Variants in TMEM132D observed in about 807,000 individuals in gnomAD.
TMEM132D encodes the protein mature OL transmembrane protein.
TMEM132D carries 21 observed loss-of-function variants against 62.3 expected under a neutral mutation model. The ratio of observed to expected loss-of-function variants is 0.34; its 90% CI spans 0.24 to 0.49. The LOEUF is 0.49. Among genes scored for constraint, TMEM132D ranks in the 20% least tolerant of loss-of-function variants. The pLI is 0.99. For missense variants in TMEM132D, 1,346 were observed against 1,402.8 expected (o/e 0.96, Z 0.65); for synonymous variants, 621 against 575.6 (o/e 1.08, Z -1.13).
intron 5 of TMEM132D, among the ~76,000 whole-genome samples, chr12:129,196,927 G>T (rs1207175760): frequency 6.6e-6 from 1 of 152,194 alleles, no homozygotes; most frequent in Non-Finnish European, 1.5e-5. Flanking sequence ...CTGTGGAGGA[G>T]TTACTTTTGG....
At chr12:129,425,547 T>C (rs1371230632) in intron 3 of TMEM132D, among the ~76,000 whole-genome samples, 2 of 152,150 alleles carry the variant, frequency 1.3e-5, no homozygotes, top group Non-Finnish European at 2.9e-5. Flanking sequence ...CGCATATGAC[T>C]AATGAACAAC....
chr12:129,555,935 G>C (rs1319011994), intron 2 of TMEM132D, among the ~76,000 whole-genome samples: 1 of 152,148 alleles, frequency 6.6e-6, no homozygotes, highest in African/African-American at 2.4e-5. Flanking sequence ...TGCAAATATA[G>C]AAATGTATGA....
At chr12:129,234,440 A>G (rs1680969004) in intron 4 of TMEM132D, among the ~76,000 whole-genome samples, 2 of 152,194 alleles carry the variant, frequency 1.3e-5, no homozygotes, top group African/African-American at 2.4e-5. Flanking sequence ...TTCCAGGAGA[A>G]TTTATGTTAA....
chr12:129,656,136 C>A (rs113374152), intron 2 of TMEM132D, among the ~76,000 whole-genome samples: 3 of 152,020 alleles, frequency 2.0e-5, no homozygotes, highest in Non-Finnish European at 2.9e-5. Context: ...CAGCAACTCA[C>A]GTTTCCCAAA....
chr12:129,767,417 G>T (rs1012801471), intron 1 of TMEM132D, among the ~76,000 whole-genome samples: 2 of 152,140 alleles, frequency 1.3e-5, no homozygotes, highest in African/African-American at 4.8e-5. Context: ...ATATTGCTGT[G>T]TAACCATCAC....
intron 1 of TMEM132D, among the ~76,000 whole-genome samples, chr12:129,715,589 T>C (rs1364473891): frequency 6.6e-6 from 1 of 152,194 alleles, no homozygotes; most frequent in Non-Finnish European, 1.5e-5. Context: ...AACCCACCTG[T>C]ACAGGGTGGG....
intron 2 of TMEM132D, among the ~76,000 whole-genome samples, chr12:129,579,570 G>T (rs1877782828): frequency 6.6e-6 from 1 of 152,170 alleles, no homozygotes; most frequent in Admixed American, 6.5e-5. Flanking sequence ...AAATCCAAGA[G>T]TCCAAAAGCC....
rs766875571 is a variant in TMEM132D at position 129,807,655 on chromosome 12, G to A, written c.79+95606C>T. 1.2e-4 allele frequency among the ~76,000 whole-genome samples: 18 copies of A among 152,110 alleles called. No homozygotes were observed. The East Asian group carries it at 2.7e-3, about 23-fold the overall frequency. ...CGTTGATTGTTAACATCTGTCTTCC[G>A]ACTCTCCTTGTCTTCTACCTGAAAG... is the stretch of plus-strand genomic sequence containing the variant. On this transcript the variant is annotated intron_variant, in intron 1 of 8. Transcript: ENST00000422113.
chr12:129,193,819 C>T (rs1878475955), intron 5 of TMEM132D, among the ~76,000 whole-genome samples: 2 of 152,222 alleles, frequency 1.3e-5, no homozygotes, highest in Admixed American at 1.3e-4. Context: ...TCCTCCAACG[C>T]TATCAGATGT....
At chr12:129,669,636 C>G (rs576923049) in intron 2 of TMEM132D, among the ~76,000 whole-genome samples, 62 of 152,026 alleles carry the variant, frequency 4.1e-4, no homozygotes, top group Non-Finnish European at 6.9e-4. Context: ...ACCCAGGAGG[C>G]AAAAGTTGTG....
At chr12:129,541,874 C>T (rs949751713) in intron 2 of TMEM132D, among the ~76,000 whole-genome samples, 1 of 152,072 alleles carries the variant, frequency 6.6e-6, no homozygotes, top group Non-Finnish European at 1.5e-5. Flanking sequence ...ACCTGGATGC[C>T]CTGAATACCT....
In TMEM132D at chr12:129,623,846, G is replaced by T. The variant is rs141007367; in HGVS notation, c.968+75964C>A. 3.5e-3 allele frequency among the ~76,000 whole-genome samples: 524 copies of T among 151,284 alleles called. 24 individuals are homozygous for T. The East Asian group carries it at 0.071, about 20-fold the overall frequency. ...ACACTTAAGTTGATTCCATATCTTG[G>T]CAATTGTGAATTGTGCTGCAATAAA... On this transcript the variant is annotated intron_variant, in intron 2 of 8. Coordinates refer to ENST00000422113, the MANE Select transcript of TMEM132D (RefSeq NM_133448.3).
rs772730643 is a variant in TMEM132D at position 129,903,352 on chromosome 12, G to C, written c.-13C>G. On this transcript the variant is annotated 5_prime_UTR_variant, in exon 1 of 9. Coordinates refer to ENST00000422113, the MANE Select transcript of TMEM132D (RefSeq NM_133448.3). The surrounding 1 kb of genome is among the most constrained non-coding windows in gnomAD (Gnocchi z 6.2). The stretch of plus-strand genomic sequence containing the variant: ...CAGACGGGCACATCCTGGAGACCCG[G>C]AGCGCAGATCCTCCGCTCCCCGGCG... 1 of 1,551,348 alleles carries C rather than the reference G, an allele frequency of 6.4e-7. No individual in the cohort carries two copies. The highest frequency in any genetic ancestry group is 8.7e-7 in the Non-Finnish European group (1 of 1,146,952).
intron 2 of TMEM132D, among the ~76,000 whole-genome samples, chr12:129,593,587 T>G (rs566497989): frequency 1.5e-4 from 23 of 152,336 alleles, no homozygotes; most frequent in African/African-American, 5.3e-4. Flanking sequence ...AAATTCTTGA[T>G]GACAAACCCT....
chr12:129,880,350 A>T (rs1254744377), intron 1 of TMEM132D, among the ~76,000 whole-genome samples: 1 of 152,210 alleles, frequency 6.6e-6, no homozygotes, highest in African/African-American at 2.4e-5. Flanking sequence ...CTTCTGATAT[A>T]AGATATGTTA....
intron 1 of TMEM132D, among the ~76,000 whole-genome samples, chr12:129,897,550 G>A (rs1301218489): frequency 6.6e-6 from 1 of 152,022 alleles, no homozygotes; most frequent in Non-Finnish European, 1.5e-5. Context: ...CTAGGGAGGT[G>A]GGGGAGGAGG....
At chr12:129,686,239 T>C (rs563129570) in intron 2 of TMEM132D, among the ~76,000 whole-genome samples, 1 of 152,224 alleles carries the variant, frequency 6.6e-6, no homozygotes, top group South Asian at 2.1e-4. Context: ...TGATCTTGAA[T>C]TGTAGTTCCC....
intron 6 of TMEM132D, 100 bp downstream of exon 6, chr12:129,084,397 C>A: frequency 1.6e-6 from 2 of 1,225,700 alleles, no homozygotes; most frequent in Non-Finnish European, 2.2e-6. Flanking sequence ...AGGCTTGGTC[C>A]TTAGGGTACC....
intron 2 of TMEM132D, among the ~76,000 whole-genome samples, chr12:129,570,056 C>A (rs1877469347): frequency 6.6e-6 from 1 of 152,226 alleles, no homozygotes; most frequent in Admixed American, 6.5e-5. Context: ...TGGTAGTTTT[C>A]TGTTGGCTGA....
Sources: allele counts gnomAD v4.1 joint callset (sites outside exome capture counted in the v4.1 genomes callset), GRCh38; gene constraint gnomAD v4.1.1; non-coding constraint Gnocchi (gnomAD v3.1); transcripts MANE v1.5; gene names NCBI Gene and HGNC (gene_info 2026-07-23, HGNC 2026-07-21).